Variants in LCORL observed in about 807,000 individuals in gnomAD.
LCORL encodes the protein ligand dependent nuclear receptor corepressor like, also known as ligand-dependent nuclear receptor corepressor-like protein.
In LCORL, 41 loss-of-function variants were observed where a neutral mutation model predicts 141.8. That is an observed-to-expected ratio of 0.29 (90% CI 0.23 to 0.38). The LOEUF (loss-of-function observed/expected upper bound fraction) is 0.38. Among genes scored for constraint, LCORL ranks in the 10% least tolerant of loss-of-function variants. The probability of loss-of-function intolerance (pLI) is 1.00; values close to 1 mark genes in which losing one functional copy is unlikely to be tolerated. For synonymous variants in LCORL, 618 were observed against 694.1 expected, an observed-to-expected ratio of 0.89 and a Z score of 1.72; for missense variants, 1,759 against 2,035.0, an observed-to-expected ratio of 0.86 and a Z score of 2.61.
chr4:17,996,195 T>G (rs1040013774), intron 1 of LCORL, among the ~76,000 whole-genome samples: 2 of 152,098 alleles, frequency 1.3e-5, no homozygotes, highest in African/African-American at 2.4e-5. Flanking sequence ...ATCCATATTA[T>G]TTCCCTTTAT....
intron 1 of LCORL, among the ~76,000 whole-genome samples, chr4:18,002,080 T>C (rs560129848): frequency 3.0e-4 from 45 of 152,154 alleles, no homozygotes; most frequent in Non-Finnish European, 5.3e-4. Context: ...TGCTGACAAA[T>C]ACTGTAACAC....
At chr4:17,974,936 T>C (rs1217229229) in intron 1 of LCORL, among the ~76,000 whole-genome samples, 3 of 152,126 alleles carry the variant, frequency 2.0e-5, no homozygotes, top group South Asian at 2.1e-4. Context: ...CTTTCATTCC[T>C]GGTATCAGTT....
exon 8 of LCORL, chr4:17,845,690 A>G (rs1199892275): frequency 1.9e-6 from 3 of 1,539,962 alleles, no homozygotes; most frequent in Admixed American, 3.8e-5. Flanking sequence ...ACTGACATAC[A>G]AAATAAAGAT....
At chr4:17,950,512 G>T (rs1282034943) in intron 4 of LCORL, among the ~76,000 whole-genome samples, 2 of 152,078 alleles carry the variant, frequency 1.3e-5, no homozygotes. Context: ...ATTTATAAAA[G>T]AGTTTTCATA....
chr4:17,891,820 G>C (rs1330679845), intron 5 of LCORL, among the ~76,000 whole-genome samples: 2 of 152,138 alleles, frequency 1.3e-5, no homozygotes, highest in African/African-American at 4.8e-5. Flanking sequence ...ACAAAAATGG[G>C]AACAATGGTG....
At chr4:17,892,640 G>T (rs1729293293) in intron 5 of LCORL, among the ~76,000 whole-genome samples, 1 of 152,154 alleles carries the variant, frequency 6.6e-6, no homozygotes, top group Non-Finnish European at 1.5e-5. Flanking sequence ...TCAAAGTAAA[G>T]TGCTTATAGT....
At position 17,845,916 on chromosome 4, in the gene LCORL, G is replaced by A. The variant is rs754864936; in HGVS notation, c.5603-15C>T. 5.1e-6 allele frequency: 8 copies of A among 1,580,240 alleles called. No homozygotes were observed. Among genetic ancestry groups the A allele is most frequent in the Non-Finnish European group, 6.9e-6 (8 of 1,163,568 alleles). On this transcript the variant is annotated splice_polypyrimidine_tract_variant and intron_variant, in intron 7 of 7. Transcript: ENST00000635767. ...CTTGTAGCATGCTGGAAGAAAAAGTGTAAGGCATTTTAGTTTTACTTTAAT... is the reference window on the plus strand; with the variant it reads ...CTTGTAGCATGCTGGAAGAAAAAGTATAAGGCATTTTAGTTTTACTTTAAT...
At chr4:17,851,249 G>A (rs1391342735) in intron 7 of LCORL, among the ~76,000 whole-genome samples, 2 of 151,788 alleles carry the variant, frequency 1.3e-5, no homozygotes, top group African/African-American at 2.4e-5. Context: ...TGCATGTTGT[G>A]CACATGTACC....
chr4:17,927,601 G>A (rs1735355281), intron 4 of LCORL, among the ~76,000 whole-genome samples: 1 of 152,040 alleles, frequency 6.6e-6, no homozygotes, highest in African/African-American at 2.4e-5. Context: ...AATACCCAGA[G>A]GCCATTGTAG....
exon 7 of LCORL, chr4:17,875,132 C>G (rs576596110): frequency 5.7e-6 from 7 of 1,233,068 alleles, no homozygotes; most frequent in Non-Finnish European, 7.1e-6. Context: ...TTTTTCCTGA[C>G]GTATTATCCT....
intron 2 of LCORL, among the ~76,000 whole-genome samples, chr4:17,966,059 C>T (rs1363314241): frequency 1.3e-5 from 2 of 152,012 alleles, no homozygotes; most frequent in Admixed American, 6.6e-5. Context: ...CAACTAAAAA[C>T]TGATTTTTCA....
intron 4 of LCORL, among the ~76,000 whole-genome samples, chr4:17,958,579 T>C (rs1713149129): frequency 6.6e-6 from 1 of 151,966 alleles, no homozygotes; most frequent in Non-Finnish European, 1.5e-5. Context: ...TTTATCAACA[T>C]TCCAAACAAA....
chr4:17,848,419 G>A (rs1359725123), intron 7 of LCORL, among the ~76,000 whole-genome samples: 1 of 152,192 alleles, frequency 6.6e-6, no homozygotes, highest in East Asian at 1.9e-4. Flanking sequence ...GCACCATCAT[G>A]GCTCACTGCA....
chr4:17,969,877 A>G (rs1715602179), intron 2 of LCORL, among the ~76,000 whole-genome samples: 1 of 152,190 alleles, frequency 6.6e-6, no homozygotes, highest in African/African-American at 2.4e-5. Context: ...CATAAGAATA[A>G]TAAAACACTG....
intron 1 of LCORL, among the ~76,000 whole-genome samples, chr4:17,974,263 G>A (rs1716521411): frequency 6.6e-6 from 1 of 152,060 alleles, no homozygotes. Context: ...TAGTCTTCAT[G>A]CTACTATCTC....
At chr4:17,874,283 C>G in exon 7 of LCORL, 1 of 1,233,854 alleles carries the variant, frequency 8.1e-7, no homozygotes, top group Non-Finnish European at 1.0e-6. Flanking sequence ...TATGCAATTT[C>G]TCTGCTGATT....
At chr4:17,997,349 AG>A (rs908343504) in intron 1 of LCORL, among the ~76,000 whole-genome samples, 2 of 152,146 alleles carry the variant, frequency 1.3e-5, no homozygotes, top group Non-Finnish European at 2.9e-5. Flanking sequence ...AGGGTTGGGG[AG>A]GAGGGCTAGA....
chr4:17,911,876 C>G (rs1462978050), intron 4 of LCORL: 2 of 476,106 alleles, frequency 4.2e-6, no homozygotes, highest in East Asian at 9.6e-5. Context: ...GTGGGGATGG[C>G]CGGGGGTCTG....
chr4:17,928,960 T>C (rs1361857680), intron 4 of LCORL, among the ~76,000 whole-genome samples: 1 of 152,130 alleles, frequency 6.6e-6, no homozygotes, highest in Non-Finnish European at 1.5e-5. Flanking sequence ...GGTTACAGGA[T>C]ACCAAATCAA....
Sources: gnomAD v4.1 joint callset for allele counts (sites outside exome capture counted in the v4.1 genomes callset) on GRCh38, gnomAD v4.1.1 for gene constraint, MANE v1.5 for transcripts, NCBI Gene and HGNC (gene_info 2026-07-23, HGNC 2026-07-21) for gene names.